Variants in MTDH observed in about 807,000 individuals in gnomAD.
MTDH encodes metadherin, also known as protein LYRIC.
In MTDH, 34 loss-of-function variants were observed where a neutral mutation model predicts 72.7. That is an observed-to-expected ratio of 0.47 (90% confidence interval 0.36 to 0.62). The LOEUF (loss-of-function observed/expected upper bound fraction) is 0.62. MTDH is among the 20% of genes least tolerant of loss of function. MTDH has a pLI of 0.00. For synonymous variants in MTDH, 266 were observed against 268.9 expected (o/e 0.99, Z 0.10); for missense variants, 677 against 699.4 (o/e 0.97, Z 0.36).
At chr8:97,658,221 A>G (rs547374428) in intron 1 of MTDH, among the ~76,000 whole-genome samples, 7 of 152,320 alleles carry the variant, frequency 4.6e-5, no homozygotes, top group South Asian at 2.1e-4. Flanking sequence ...AGATCTACAC[A>G]GGTCAGAGAG....
At chr8:97,662,795 G>T (rs1032885272) in intron 2 of MTDH, among the ~76,000 whole-genome samples, 2 of 139,054 alleles carry the variant, frequency 1.4e-5, no homozygotes, top group African/African-American at 6.3e-5. Context: ...AAAAAAAAAA[G>T]AAAGAAAGAA....
chr8:97,653,335 A>G (rs960746150), intron 1 of MTDH, among the ~76,000 whole-genome samples: 1 of 152,194 alleles, frequency 6.6e-6, no homozygotes, highest in Non-Finnish European at 1.5e-5. Context: ...TCTGGTTTCG[A>G]TGGCATGTTC....
At chr8:97,658,110 G>A (rs984419357) in intron 1 of MTDH, among the ~76,000 whole-genome samples, 1 of 152,028 alleles carries the variant, frequency 6.6e-6, no homozygotes, top group African/African-American at 2.4e-5. Context: ...GAGGCTTATT[G>A]TTTCATGGCA....
At chr8:97,722,534 G>A (rs546749489) in intron 10 of MTDH, among the ~76,000 whole-genome samples, 2 of 152,156 alleles carry the variant, frequency 1.3e-5, no homozygotes, top group Admixed American at 1.3e-4. Context: ...CCCGGGAGGC[G>A]GAGGTTGCAG....
intron 5 of MTDH, among the ~76,000 whole-genome samples, chr8:97,689,927 T>C (rs1813520900): frequency 6.6e-6 from 1 of 151,674 alleles, no homozygotes; most frequent in African/African-American, 2.4e-5. Flanking sequence ...CAGGCTGGTC[T>C]CGAACTCCTG....
chr8:97,693,398 A>G (rs1468031756), intron 6 of MTDH, among the ~76,000 whole-genome samples: 3 of 151,716 alleles, frequency 2.0e-5, no homozygotes, highest in African/African-American at 4.8e-5. Flanking sequence ...GTGCAGTGCA[A>G]TCTCAGCTCA....
intron 2 of MTDH, among the ~76,000 whole-genome samples, chr8:97,666,922 C>T (rs1019643670): frequency 2.0e-5 from 3 of 152,150 alleles, no homozygotes; most frequent in Non-Finnish European, 4.4e-5. Flanking sequence ...GTCTTGAACC[C>T]CTGACCTCAG....
intron 2 of MTDH, among the ~76,000 whole-genome samples, chr8:97,667,762 C>T (rs896670248): frequency 4.1e-5 from 6 of 145,684 alleles, no homozygotes; most frequent in African/African-American, 1.5e-4. Context: ...GAGGCCAAGG[C>T]AGGAGGATTG....
intron 2 of MTDH, among the ~76,000 whole-genome samples, chr8:97,682,116 C>G (rs952562074): frequency 2.0e-5 from 3 of 150,084 alleles, no homozygotes; most frequent in Non-Finnish European, 4.4e-5. Flanking sequence ...AAGATGTTTG[C>G]TTCAGTAGTA....
At position 97,725,319 on chromosome 8, in the gene MTDH, C is replaced by A. The variant is rs1815311682; in HGVS notation, c.*649C>A. 6.6e-6 allele frequency: 1 copy of A among 152,542 alleles called. No individual in the cohort carries two copies. Among genetic ancestry groups the A allele is most frequent in the Non-Finnish European group, 1.5e-5 (1 of 68,010 alleles). 9.4% of individuals were successfully genotyped at this position (152,542 alleles called of 1,614,324 possible). ...TATGAAGTTATTTTTGATAGTCTTA[C>A]ATTACTTGAATTGTTCAAAGTACAG... is the stretch of plus-strand genomic sequence containing the variant. On this transcript the variant is annotated 3_prime_UTR_variant, in exon 12 of 12. Coordinates refer to ENST00000336273, the MANE Select transcript of MTDH (RefSeq NM_178812.4).
intron 9 of MTDH, among the ~76,000 whole-genome samples, chr8:97,718,496 T>G (rs55976360): frequency 8.3e-4 from 122 of 146,204 alleles, no homozygotes; most frequent in African/African-American, 2.6e-3. Context: ...TTTTTGTGGG[T>G]TTTTTTTTGT....
At chr8:97,663,608 G>T (rs867191737) in intron 2 of MTDH, among the ~76,000 whole-genome samples, 1 of 151,978 alleles carries the variant, frequency 6.6e-6, no homozygotes, top group Non-Finnish European at 1.5e-5. Context: ...AATTAGCCAG[G>T]CGTGGTAGCG....
intron 6 of MTDH, among the ~76,000 whole-genome samples, chr8:97,695,225 TGCCTCA>T (rs1304614562): frequency 1.3e-5 from 2 of 151,468 alleles, no homozygotes; most frequent in Non-Finnish European, 2.9e-5. Flanking sequence ...GCAATTCTCC[TGCCTCA>T]GCCTCCTGAG....
At chr8:97,667,387 C>T (rs1275396763) in intron 2 of MTDH, among the ~76,000 whole-genome samples, 1 of 152,186 alleles carries the variant, frequency 6.6e-6, no homozygotes, top group Non-Finnish European at 1.5e-5. Flanking sequence ...TATTAAATCT[C>T]AGTTCTTAAA....
In MTDH at chr8:97,706,696, C is replaced by T. The variant is rs765828128; in HGVS notation, c.1218C>T (p.Asp406=). ...CAGAAGAGTGGGGCAATTGGGTAGA[C>T]GAAGAAAGAGCTTCACTTCTAAAGT... ...APAEEWGNWV[D]EERASLLKSQ... Residue 406 remains aspartate (D), a synonymous_variant, in exon 8 of 12, where the codon GAC becomes GAT. Coordinates refer to ENST00000336273, the MANE Select transcript of MTDH (RefSeq NM_178812.4). The T allele has an allele frequency of 1.3e-5, 21 of 1,613,562 alleles. No individual in the cohort carries two copies. Among genetic ancestry groups the T allele is most frequent in the South Asian group, 4.4e-5 (4 of 91,026 alleles).
At chr8:97,697,386 T>G (rs1348167717) in intron 6 of MTDH, among the ~76,000 whole-genome samples, 1 of 128,056 alleles carries the variant, frequency 7.8e-6, no homozygotes, top group African/African-American at 3.1e-5. Flanking sequence ...TTTCGGTTTT[T>G]TTTTTTTTTT....
chr8:97,670,352 C>T (rs779908961), intron 2 of MTDH, among the ~76,000 whole-genome samples: 3 of 151,976 alleles, frequency 2.0e-5, no homozygotes, highest in Non-Finnish European at 4.4e-5. Context: ...AGCTTGGTGG[C>T]TCGTGCCTGT....
intron 8 of MTDH, among the ~76,000 whole-genome samples, chr8:97,708,268 T>C (rs1450761636): frequency 5.8e-5 from 3 of 51,624 alleles, no homozygotes; most frequent in African/African-American, 3.1e-4. Flanking sequence ...CCAGGCCTTT[T>C]TTTTTTTTTT....
At chr8:97,701,363 G>A (rs1304241687) in intron 7 of MTDH, among the ~76,000 whole-genome samples, 2 of 151,858 alleles carry the variant, frequency 1.3e-5, no homozygotes, top group Non-Finnish European at 1.5e-5. Flanking sequence ...ATTACTTGTA[G>A]TAACTAATAC....
Sources: allele counts gnomAD v4.1 joint callset (sites outside exome capture counted in the v4.1 genomes callset), GRCh38; gene constraint gnomAD v4.1.1; transcripts MANE v1.5; gene names NCBI Gene and HGNC (gene_info 2026-07-23, HGNC 2026-07-21).